C19orf47: variants seen among roughly 807,000 people sequenced by gnomAD.
C19orf47 encodes the protein uncharacterized protein C19orf47.
C19orf47 carries 18 observed loss-of-function variants against 32.3 expected under a neutral mutation model. That is an observed-to-expected ratio of 0.56 (90% CI 0.39 to 0.83). The LOEUF (loss-of-function observed/expected upper bound fraction) is 0.83, where lower values mean the gene tolerates loss of function less well. Ranked by LOEUF, C19orf47 falls within the 40% of genes least tolerant of loss-of-function variation. The pLI is 0.00. For synonymous variants in C19orf47, 202 were observed against 211.1 expected, an observed-to-expected ratio of 0.96 and a Z score of 0.37; for missense variants, 484 against 531.6, an observed-to-expected ratio of 0.91 and a Z score of 0.88.
intron 7 of C19orf47, among the ~76,000 whole-genome samples, chr19:40,325,138 C>T (rs111457056): frequency 6.6e-6 from 1 of 151,568 alleles, no homozygotes; most frequent in Non-Finnish European, 1.5e-5. Context: ...GGCACGGTGG[C>T]GTGCACCTGT....
chr19:40,305,268 G>A, the C19orf47 span, among the ~76,000 whole-genome samples: 2 of 151,800 alleles, frequency 1.3e-5, no homozygotes, highest in African/African-American at 4.8e-5. Flanking sequence ...GCTTGAACCT[G>A]GGAGGCAGAG....
At chr19:40,306,102 G>T in the C19orf47 span, among the ~76,000 whole-genome samples, 1 of 130,938 alleles carries the variant, frequency 7.6e-6, no homozygotes, top group Non-Finnish European at 1.5e-5. Flanking sequence ...AGTGAGCCAA[G>T]ATCGCACCAT....
chr19:40,318,902 G>A (rs1168241056), downstream of C19orf47, among the ~76,000 whole-genome samples: 1 of 152,192 alleles, frequency 6.6e-6, no homozygotes, highest in African/African-American at 2.4e-5. Context: ...GATGAAAGAA[G>A]TTCTGGAGAT....
chr19:40,304,107 G>T, the C19orf47 span, among the ~76,000 whole-genome samples: 1 of 152,134 alleles, frequency 6.6e-6, no homozygotes, highest in Non-Finnish European at 1.5e-5. Flanking sequence ...AGACAGAACT[G>T]ATTAATTGGA....
chr19:40,340,704 C>A (rs1014190159), intron 2 of C19orf47, among the ~76,000 whole-genome samples: 1 of 151,170 alleles, frequency 6.6e-6, no homozygotes. Flanking sequence ...ACAGGCCAGG[C>A]GCAGTGGCTC....
the C19orf47 span, among the ~76,000 whole-genome samples, chr19:40,297,217 C>T: frequency 6.6e-6 from 1 of 152,252 alleles, no homozygotes; most frequent in African/African-American, 2.4e-5. Context: ...ACATGGATTT[C>T]ACTTATGGTC....
chr19:40,333,450 G>A (rs754626813), intron 5 of C19orf47, among the ~76,000 whole-genome samples: 17 of 151,860 alleles, frequency 1.1e-4, no homozygotes, highest in Admixed American at 7.9e-4. Context: ...ATGAGTTCCC[G>A]GTTAATGAAA....
downstream of C19orf47, among the ~76,000 whole-genome samples, chr19:40,314,822 C>T (rs112228948): frequency 3.3e-5 from 5 of 152,110 alleles, no homozygotes; most frequent in Admixed American, 3.3e-4. Context: ...TCAGGATGAA[C>T]AAAAACAGTG....
At chr19:40,343,442 T>C (rs542812080) in intron 1 of C19orf47, 2 of 152,362 alleles carry the variant, frequency 1.3e-5, no homozygotes, top group African/African-American at 4.8e-5. Flanking sequence ...GGTGTCACCA[T>C]TTGTGAATTG....
intron 2 of C19orf47, among the ~76,000 whole-genome samples, chr19:40,337,906 T>C (rs2078097807): frequency 6.6e-6 from 1 of 152,150 alleles, no homozygotes; most frequent in South Asian, 2.1e-4. Flanking sequence ...ACCATCCACC[T>C]GCTAAGCCAT....
chr19:40,299,863 TA>T, the C19orf47 span, among the ~76,000 whole-genome samples: 1 of 151,782 alleles, frequency 6.6e-6, no homozygotes, highest in African/African-American at 2.4e-5. Context: ...CTGTCTCTAC[TA>T]AAAATACAAA....
chr19:40,316,209 G>A (rs574066169), downstream of C19orf47, among the ~76,000 whole-genome samples: 20 of 152,198 alleles, frequency 1.3e-4, no homozygotes, highest in Non-Finnish European at 2.9e-4. Context: ...CTTGGGCACT[G>A]GAGAAAGGGG....
the C19orf47 span, among the ~76,000 whole-genome samples, chr19:40,314,065 G>C: frequency 2.6e-5 from 4 of 152,208 alleles, no homozygotes; most frequent in African/African-American, 9.6e-5. Context: ...GTTGGCTCCA[G>C]GACTGGGGCA....
Position 40,320,664 on chromosome 19 carries a change from G to A in C19orf47, c.*1218C>T, listed in dbSNP as rs1365360242. 1 of 154,270 alleles carries A rather than the reference G, an allele frequency of 6.5e-6. No individual in the cohort carries two copies. The highest frequency in any genetic ancestry group is 1.5e-5 in the Non-Finnish European group (1 of 68,530). 9.6% of individuals were successfully genotyped at this position (154,270 alleles called of 1,614,324 possible). A position where few individuals can be genotyped will look rare whatever the true frequency, so the allele number is the denominator to read the frequency against. Reference sequence around the variant, plus strand: ...GCTTTACCTACACCCCATCCCTGGAGAGGCCCTGCTCACTACCTGCTACCA... The same window carrying A: ...GCTTTACCTACACCCCATCCCTGGAAAGGCCCTGCTCACTACCTGCTACCA... On this transcript the variant is annotated 3_prime_UTR_variant, in exon 9 of 9. Coordinates refer to ENST00000683109, the MANE Select transcript of C19orf47 (RefSeq NM_001256441.2).
the C19orf47 span, among the ~76,000 whole-genome samples, chr19:40,306,337 T>C: frequency 6.6e-6 from 1 of 151,328 alleles, no homozygotes; most frequent in Non-Finnish European, 1.5e-5. Flanking sequence ...GTAAGACAAA[T>C]GGAACAAATT....
At chr19:40,318,774 T>C (rs1327898459), downstream of C19orf47, among the ~76,000 whole-genome samples, 1 of 152,070 alleles carries the variant, frequency 6.6e-6, no homozygotes, top group Non-Finnish European at 1.5e-5. Flanking sequence ...TCTACAGTTG[T>C]CCCTCATCCT....
chr19:40,318,909 A>G (rs1008725735), downstream of C19orf47, among the ~76,000 whole-genome samples: 4 of 152,340 alleles, frequency 2.6e-5, no homozygotes, highest in South Asian at 6.2e-4. Flanking sequence ...GAAGTTCTGG[A>G]GATGGATGAT....
chr19:40,321,462 TG>T lies in C19orf47; in HGVS notation c.*419del. 3.0e-6 allele frequency: 3 copies of T among 990,934 alleles called. No homozygotes were observed. Among genetic ancestry groups the T allele is most frequent in the Non-Finnish European group, 3.6e-6 (3 of 836,822 alleles). The allele number at this position is 990,934 out of a possible 1,614,324, so 61.4% of individuals were successfully genotyped here. A position where few individuals can be genotyped will look rare whatever the true frequency, so the allele number is the denominator to read the frequency against. The stretch of plus-strand genomic sequence containing the variant: ...AGGAGTGAGGGAGGTCAGTGGGGAG[TG>T]GGGGAAGGGAGGCCCACCAGGTGAC... On this transcript the variant is annotated 3_prime_UTR_variant, in exon 9 of 9. Transcript: ENST00000683109.
chr19:40,341,372 CTATAT>C (rs2078174530), intron 2 of C19orf47, among the ~76,000 whole-genome samples: 1 of 151,772 alleles, frequency 6.6e-6, no homozygotes, highest in African/African-American at 2.4e-5. Flanking sequence ...ATATACTTTT[CTATAT>C]TATAATAAAT....
Sources: allele counts gnomAD v4.1 joint callset (sites outside exome capture counted in the v4.1 genomes callset), GRCh38; gene constraint gnomAD v4.1.1; transcripts MANE v1.5; gene names NCBI Gene and HGNC (gene_info 2026-07-23, HGNC 2026-07-21).